The following XYLT1 variants were observed in gnomAD, a reference collection of about 807,000 sequenced individuals.
XYLT1 encodes the protein beta-D-xylosyltransferase 1.
Under a neutral mutation model 91.3 loss-of-function variants are expected in XYLT1, and 36 were observed. The ratio of observed to expected loss-of-function variants is 0.39; its 90% confidence interval spans 0.30 to 0.52. The LOEUF is 0.52. Among genes scored for constraint, XYLT1 ranks in the 20% least tolerant of loss-of-function variants. The pLI is 0.68. For synonymous variants in XYLT1, 588 were observed against 532.0 expected (o/e 1.11, Z -1.45); for missense variants, 1,242 against 1,284.5 (o/e 0.97, Z 0.51).
rs939423009 is a variant in XYLT1 at position 17,470,524 on chromosome 16, C to A, written c.273G>T (p.Arg91=). Residue 91 remains arginine, a synonymous_variant, in exon 1 of 12, where the codon CGG becomes CGT. Coordinates refer to ENST00000261381, the MANE Select transcript of XYLT1 (RefSeq NM_022166.4). ...GGGGGGGGGG[R]GPQARARGGG... ...CTCCCCGCGCCCGCGCCTGGGGCCCCCGTCCTCCTCCTCCTCCGCCGCCGC... is the reference window on the plus strand; with the variant it reads ...CTCCCCGCGCCCGCGCCTGGGGCCCACGTCCTCCTCCTCCTCCGCCGCCGC... 3 of 1,226,918 alleles carry A rather than the reference C, an allele frequency of 2.4e-6. No homozygotes were observed. The highest frequency in any genetic ancestry group is 3.1e-5 in the African/African-American group (2 of 63,890). 76.0% of individuals were successfully genotyped at this position (1,226,918 alleles called of 1,614,324 possible).
At chr16:17,167,557 C>T (rs1464483476) in intron 5 of XYLT1, among the ~76,000 whole-genome samples, 2 of 150,834 alleles carry the variant, frequency 1.3e-5, no homozygotes, top group Non-Finnish European at 3.0e-5. Flanking sequence ...CTAACCCATC[C>T]TTCCATCTCG....
intron 3 of XYLT1, among the ~76,000 whole-genome samples, chr16:17,207,052 CTTTTT>C (rs1211378641): frequency 3.3e-5 from 4 of 121,086 alleles, no homozygotes; most frequent in African/African-American, 6.3e-5. Context: ...TCTTTTCTTT[CTTTTT>C]TTTTTTTTTT....
intron 5 of XYLT1, among the ~76,000 whole-genome samples, chr16:17,163,973 G>A (rs2031612272): frequency 1.4e-5 from 2 of 141,754 alleles, no homozygotes; most frequent in South Asian, 2.4e-4. Context: ...AGGAGGTGGA[G>A]GTTGCAGTGA....
intron 3 of XYLT1, among the ~76,000 whole-genome samples, chr16:17,232,157 TTATA>T (rs1158424789): frequency 7.0e-6 from 1 of 143,344 alleles, no homozygotes; most frequent in Non-Finnish European, 1.5e-5. Context: ...TTATAATCGA[TTATA>T]TATAATATAT....
At chr16:17,147,179 T>C (rs1210723255) in intron 6 of XYLT1, among the ~76,000 whole-genome samples, 1 of 152,184 alleles carries the variant, frequency 6.6e-6, no homozygotes, top group Non-Finnish European at 1.5e-5. Flanking sequence ...GTAACTGAGC[T>C]CTAACTGGGT....
rs190383083 is a variant in XYLT1 at position 17,195,125 on chromosome 16, T to C, written c.1289+3087A>G. On this transcript the variant is annotated intron_variant, in intron 5 of 11. Transcript: ENST00000261381. Reference sequence around the variant, plus strand: ...CTCCCAGAGGTCACGAGTCAATGTCTGGAGACATCTGTGGTTGGCAAAAGT... The same window carrying C: ...CTCCCAGAGGTCACGAGTCAATGTCCGGAGACATCTGTGGTTGGCAAAAGT... Among the ~76,000 whole-genome samples, 14 of 152,354 alleles carry C rather than the reference T, an allele frequency of 9.2e-5. No individual in the cohort carries two copies. The East Asian group carries it at 2.7e-3, about 29-fold the overall frequency.
chr16:17,304,932 A>G (rs1241443785), intron 2 of XYLT1, among the ~76,000 whole-genome samples: 6 of 152,192 alleles, frequency 3.9e-5, no homozygotes, highest in African/African-American at 1.2e-4. Flanking sequence ...AAACTCACCA[A>G]GATTGCAGCT....
intron 1 of XYLT1, among the ~76,000 whole-genome samples, chr16:17,427,851 CCTGT>C (rs2036338664): frequency 6.6e-6 from 1 of 151,662 alleles, no homozygotes; most frequent in Non-Finnish European, 1.5e-5. Context: ...AAAACGTTCA[CCTGT>C]CTACCACCTC....
intron 2 of XYLT1, among the ~76,000 whole-genome samples, chr16:17,334,036 T>C (rs1449261371): frequency 6.6e-6 from 1 of 152,106 alleles, no homozygotes; most frequent in East Asian, 1.9e-4. Context: ...TGCCCTTCCA[T>C]CCCTTTCACC....
intron 3 of XYLT1, among the ~76,000 whole-genome samples, chr16:17,251,940 G>A (rs2033547159): frequency 6.6e-6 from 1 of 151,940 alleles, no homozygotes; most frequent in Non-Finnish European, 1.5e-5. Flanking sequence ...GGACAGGGAG[G>A]GGGCTGGGGA....
chr16:17,214,036 T>A (rs2032810941), intron 3 of XYLT1, among the ~76,000 whole-genome samples: 2 of 152,160 alleles, frequency 1.3e-5, no homozygotes. Context: ...ATTCTTTGAG[T>A]GGTATTATCC....
intron 2 of XYLT1, among the ~76,000 whole-genome samples, chr16:17,295,248 G>C (rs1164537203): frequency 6.6e-6 from 1 of 152,194 alleles, no homozygotes; most frequent in Non-Finnish European, 1.5e-5. Context: ...AAAGAAGCCA[G>C]GGTGGAGGAA....
intron 3 of XYLT1, among the ~76,000 whole-genome samples, chr16:17,222,104 C>A (rs528636750): frequency 6.6e-6 from 1 of 152,202 alleles, no homozygotes; most frequent in African/African-American, 2.4e-5. Context: ...TTTCCACTCA[C>A]GTTCCTCTGA....
At chr16:17,323,174 C>G (rs1021447445) in intron 2 of XYLT1, among the ~76,000 whole-genome samples, 2 of 152,214 alleles carry the variant, frequency 1.3e-5, no homozygotes, top group African/African-American at 4.8e-5. Context: ...CCAATCAACA[C>G]TGGTTGAGTT....
At chr16:17,219,024 G>A (rs111964356) in intron 3 of XYLT1, among the ~76,000 whole-genome samples, 3,424 of 152,168 alleles carry the variant, frequency 0.023, 122 homozygotes, top group African/African-American at 0.077. Context: ...GCTCATGCCT[G>A]TAATCCCAGC....
At chr16:17,376,581 CT>C (rs2035604378) in intron 1 of XYLT1, among the ~76,000 whole-genome samples, 1 of 152,192 alleles carries the variant, frequency 6.6e-6, no homozygotes, top group South Asian at 2.1e-4. Context: ...AATCCCAACA[CT>C]TTGAGAGGCC....
intron 3 of XYLT1, among the ~76,000 whole-genome samples, chr16:17,203,329 T>A (rs1420090515): frequency 6.6e-6 from 1 of 152,232 alleles, no homozygotes; most frequent in Non-Finnish European, 1.5e-5. Flanking sequence ...TAAGGCTGTA[T>A]CTTTTCATCC....
chr16:17,182,898 T>C (rs1035032166), intron 5 of XYLT1, among the ~76,000 whole-genome samples: 1 of 152,174 alleles, frequency 6.6e-6, no homozygotes, highest in African/African-American at 2.4e-5. Flanking sequence ...AGATGGTTCC[T>C]AGGTCTATGC....
intron 1 of XYLT1, among the ~76,000 whole-genome samples, chr16:17,457,101 A>C (rs2036754503): frequency 6.6e-6 from 1 of 152,192 alleles, no homozygotes; most frequent in Non-Finnish European, 1.5e-5. Context: ...CTGGGAATGA[A>C]GACCAGAATT....
Sources: allele counts gnomAD v4.1 joint callset (sites outside exome capture counted in the v4.1 genomes callset), GRCh38; gene constraint gnomAD v4.1.1; transcripts MANE v1.5; gene names NCBI Gene and HGNC (gene_info 2026-07-23, HGNC 2026-07-21).